ARMC2: variants seen among roughly 807,000 people sequenced by gnomAD.
ARMC2 encodes the protein armadillo repeat-containing protein 2.
ARMC2 carries 67 observed loss-of-function variants against 90.3 expected under a neutral mutation model. The ratio of observed to expected loss-of-function variants is 0.74; its 90% CI spans 0.61 to 0.91. The LOEUF (loss-of-function observed/expected upper bound fraction) is 0.91. Ranked by LOEUF, ARMC2 falls within the 40% of genes least tolerant of loss-of-function variation. The pLI is 0.00. For synonymous variants in ARMC2, 393 were observed against 393.0 expected (o/e 1.00, Z 0.00); for missense variants, 920 against 1,030.9 (o/e 0.89, Z 1.47).
rs1366130093 is a variant in ARMC2, at chr6:108,907,668, A to G, written c.1024-3231A>G. On this transcript the variant is annotated intron_variant, in intron 8 of 17. Coordinates refer to ENST00000392644, the MANE Select transcript of ARMC2 (RefSeq NM_032131.6). Reference sequence around the variant, plus strand: ...TGCTTGTAGGAAAAGGAGTAGCTGAAGAGCACGTAGCATGCCAGCACCATG... The same window carrying G: ...TGCTTGTAGGAAAAGGAGTAGCTGAGGAGCACGTAGCATGCCAGCACCATG... 2.5e-6 allele frequency: 4 copies of G among 1,603,632 alleles called. No individual in the cohort carries two copies. The South Asian group carries it at 3.3e-5, about 13-fold the overall frequency.
At chr6:108,994,054 C>T in the ARMC2 span, among the ~76,000 whole-genome samples, 17 of 149,972 alleles carry the variant, frequency 1.1e-4, no homozygotes, top group South Asian at 6.3e-4. Context: ...GCAGGATGAT[C>T]GCTTGAGCCT....
chr6:109,013,329 C>T, the ARMC2 span, among the ~76,000 whole-genome samples: 2 of 152,076 alleles, frequency 1.3e-5, no homozygotes, highest in Middle Eastern at 3.4e-3. Context: ...GGGCAGTCTT[C>T]GGAACAATGG....
intron 13 of ARMC2, among the ~76,000 whole-genome samples, chr6:108,957,211 A>G (rs1777652055): frequency 6.6e-6 from 1 of 152,166 alleles, no homozygotes; most frequent in Non-Finnish European, 1.5e-5. Flanking sequence ...CTTTATCTCC[A>G]AATAAAAGTT....
chr6:108,870,065 T>TTG lies in ARMC2; in HGVS notation c.463+1070_463+1071insTG, dbSNP rs139663333. The stretch of plus-strand genomic sequence containing the variant: ...TCTGACTGTGTGTGGTCAAAAAAAG[T>TTG]GGAAACCACTTTACCAGGAGCTGAC... On this transcript the variant is annotated intron_variant, in intron 4 of 17. Transcript: ENST00000392644. Among the ~76,000 whole-genome samples the TTG allele has an allele frequency of 4.2e-3, 638 of 152,222 alleles. 3 individuals are homozygous for TTG. The highest frequency in any genetic ancestry group is 0.014 in the African/African-American group (598 of 41,518).
the ARMC2 span, among the ~76,000 whole-genome samples, chr6:109,032,233 T>C: frequency 6.6e-5 from 10 of 152,040 alleles, no homozygotes; most frequent in African/African-American, 2.2e-4. Context: ...GATAATGCCA[T>C]TGCACTCCAG....
At chr6:109,015,603 C>G in the ARMC2 span, among the ~76,000 whole-genome samples, 4 of 152,194 alleles carry the variant, frequency 2.6e-5, no homozygotes, top group South Asian at 8.3e-4. Context: ...TACTTTTCAG[C>G]ATCATCACTG....
the ARMC2 span, among the ~76,000 whole-genome samples, chr6:109,003,444 A>C: frequency 6.6e-6 from 1 of 152,168 alleles, no homozygotes; most frequent in Non-Finnish European, 1.5e-5. Context: ...AGCAAATGAA[A>C]GTCTTTAAAG....
intron 11 of ARMC2, among the ~76,000 whole-genome samples, chr6:108,935,767 TA>T (rs1775911759): frequency 6.6e-6 from 1 of 152,196 alleles, no homozygotes; most frequent in Non-Finnish European, 1.5e-5. Flanking sequence ...TGATTTGTAA[TA>T]TTTTTTATTA....
At chr6:108,998,927 T>A in the ARMC2 span, 15 of 590,570 alleles carry the variant, frequency 2.5e-5, no homozygotes, top group African/African-American at 2.1e-4. Context: ...TGAATATGCA[T>A]TCACAAATAG....
chr6:109,026,347 G>C, the ARMC2 span, among the ~76,000 whole-genome samples: 2 of 152,122 alleles, frequency 1.3e-5, no homozygotes, highest in South Asian at 2.1e-4. Flanking sequence ...CAAAGAAAAA[G>C]TTCTTTGTAT....
At chr6:108,961,721 A>C (rs769800986) in intron 14 of ARMC2, 27 bp downstream of exon 14, 1 of 1,562,758 alleles carries the variant, frequency 6.4e-7, no homozygotes, top group Non-Finnish European at 8.6e-7. Context: ...GATTTGGATA[A>C]ATGAGTGCTC....
intron 11 of ARMC2, among the ~76,000 whole-genome samples, chr6:108,936,062 G>A (rs1294384229): frequency 6.6e-6 from 1 of 152,082 alleles, no homozygotes; most frequent in Non-Finnish European, 1.5e-5. Context: ...CTGATTTGTT[G>A]TGGGTTTGTC....
At chr6:109,007,993 G>A in the ARMC2 span, among the ~76,000 whole-genome samples, 1 of 152,108 alleles carries the variant, frequency 6.6e-6, no homozygotes, top group Non-Finnish European at 1.5e-5. Context: ...AAAGTGAATA[G>A]TTTTCCTATA....
At chr6:108,889,117 T>G (rs1223759005) in intron 5 of ARMC2, among the ~76,000 whole-genome samples, 1 of 152,134 alleles carries the variant, frequency 6.6e-6, no homozygotes, top group Non-Finnish European at 1.5e-5. Flanking sequence ...GAGAGTAGTG[T>G]TGTCATTTGC....
intron 5 of ARMC2, among the ~76,000 whole-genome samples, chr6:108,890,941 T>A (rs895968383): frequency 6.9e-6 from 1 of 144,614 alleles, no homozygotes; most frequent in Non-Finnish European, 1.5e-5. Context: ...GTGTGTGATG[T>A]GCCCCTCTCT....
the ARMC2 span, among the ~76,000 whole-genome samples, chr6:109,039,829 G>A: frequency 6.6e-6 from 1 of 152,158 alleles, no homozygotes; most frequent in Admixed American, 6.5e-5. Flanking sequence ...TGTTCATATA[G>A]AAAATAAGTT....
chr6:108,984,710 A>ATTGT, the ARMC2 span, among the ~76,000 whole-genome samples: 3 of 152,136 alleles, frequency 2.0e-5, no homozygotes, highest in African/African-American at 4.8e-5. Context: ...TGGATCATTC[A>ATTGT]TTGTTAGTGT....
At chr6:108,964,559 A>C (rs1778224681) in intron 16 of ARMC2, among the ~76,000 whole-genome samples, 1 of 152,166 alleles carries the variant, frequency 6.6e-6, no homozygotes, top group South Asian at 2.1e-4. Flanking sequence ...AGATCACTTG[A>C]GGCCAGGAGT....
At chr6:108,933,220 GT>G (rs1251873018) in intron 11 of ARMC2, among the ~76,000 whole-genome samples, 8 of 152,010 alleles carry the variant, frequency 5.3e-5, no homozygotes, top group Admixed American at 5.2e-4. Context: ...TTTCCCATTT[GT>G]TTGTGTCTTC....
Sources: allele counts gnomAD v4.1 joint callset (sites outside exome capture counted in the v4.1 genomes callset), GRCh38; gene constraint gnomAD v4.1.1; transcripts MANE v1.5; gene names NCBI Gene and HGNC (gene_info 2026-07-23, HGNC 2026-07-21).